HSPA4L: variants seen among roughly 807,000 people sequenced by gnomAD.
HSPA4L encodes heat shock 70 kDa protein 4L.
A neutral mutation model predicts 100.3 loss-of-function variants in HSPA4L; 48 were observed. The ratio of observed to expected loss-of-function variants is 0.48; its 90% CI spans 0.38 to 0.61. The LOEUF (loss-of-function observed/expected upper bound fraction) is 0.61, where lower values mean the gene tolerates loss of function less well. Ranked by LOEUF, HSPA4L falls within the 20% of genes least tolerant of loss-of-function variation. The probability of loss-of-function intolerance (pLI) is 0.00; values close to 1 mark genes in which losing one functional copy is unlikely to be tolerated. For missense variants in HSPA4L, 886 were observed against 988.6 expected (o/e 0.90, Z 1.39); for synonymous variants, 319 against 328.2 (o/e 0.97, Z 0.30).
At chr4:127,791,853 G>A (rs904300405) in intron 1 of HSPA4L, among the ~76,000 whole-genome samples, 5 of 152,032 alleles carry the variant, frequency 3.3e-5, no homozygotes, top group Non-Finnish European at 5.9e-5. Context: ...TTCACCTTCT[G>A]TTATAGCACC....
intron 1 of HSPA4L, among the ~76,000 whole-genome samples, chr4:127,793,215 A>C (rs1010560525): frequency 3.9e-5 from 6 of 152,222 alleles, no homozygotes; most frequent in Non-Finnish European, 7.3e-5. Flanking sequence ...TCTGCAAGAC[A>C]AATAGATATT....
chr4:127,825,119 G>A (rs1316309559), intron 16 of HSPA4L, among the ~76,000 whole-genome samples: 4 of 150,114 alleles, frequency 2.7e-5, no homozygotes, highest in Non-Finnish European at 4.4e-5. Context: ...CAGCCTGGGC[G>A]ACAGAATGAG....
At chr4:127,823,439 G>A in intron 15 of HSPA4L, 78 bp from the exon 16 acceptor site, 1 of 976,254 alleles carries the variant, frequency 1.0e-6, no homozygotes, top group Admixed American at 1.9e-5. Flanking sequence ...ATGAGGCACT[G>A]CACTGCACTG....
intron 6 of HSPA4L, 32 bp from the exon 7 acceptor site, chr4:127,803,597 G>A (rs200865312): frequency 2.1e-6 from 3 of 1,440,894 alleles, no homozygotes; most frequent in East Asian, 4.9e-5. Context: ...CTATATTTCT[G>A]AAAATACAGT....
At chr4:127,784,894 A>G (rs1317811321) in intron 1 of HSPA4L, among the ~76,000 whole-genome samples, 3 of 152,276 alleles carry the variant, frequency 2.0e-5, no homozygotes, top group Admixed American at 6.5e-5. Flanking sequence ...AATGTTTTTC[A>G]TATTCCAATT....
chr4:127,826,405 A>T (rs1733951687), intron 16 of HSPA4L, among the ~76,000 whole-genome samples: 1 of 152,212 alleles, frequency 6.6e-6, no homozygotes, highest in Non-Finnish European at 1.5e-5. Context: ...CCAATGGAAA[A>T]AAAAAATGCA....
At chr4:127,800,159 T>C (rs1267730198) in intron 4 of HSPA4L, among the ~76,000 whole-genome samples, 2 of 152,288 alleles carry the variant, frequency 1.3e-5, no homozygotes, top group Admixed American at 1.3e-4. Context: ...AATTTTTAAA[T>C]AGAGATGTAG....
rs1047860044 is a variant in HSPA4L, at chr4:127,832,990, T to G, written c.*116T>G. ...GTTCTTAACCACTTTTGTCATTTGT[T>G]TTTTGGAGTAGTTTTGAAAAGTGTT... On this transcript the variant is annotated 3_prime_UTR_variant, in exon 19 of 19. Coordinates refer to ENST00000296464, the MANE Select transcript of HSPA4L (RefSeq NM_014278.4). 2 of 726,628 alleles carry G rather than the reference T, an allele frequency of 2.8e-6. No individual in the cohort carries two copies. Among genetic ancestry groups the G allele is most frequent in the African/African-American group, 3.6e-5 (2 of 55,472 alleles). The allele number at this position is 726,628 out of a possible 1,614,324, so 45.0% of individuals were successfully genotyped here.
intron 2 of HSPA4L, 37 bp downstream of exon 2, chr4:127,794,171 G>T (rs774569639): frequency 6.7e-7 from 1 of 1,500,498 alleles, no homozygotes; most frequent in Admixed American, 1.7e-5. Context: ...CTTACAGGAA[G>T]AATTAACTGA....
intron 1 of HSPA4L, chr4:127,783,552 T>G: frequency 1.3e-6 from 2 of 1,521,582 alleles, no homozygotes; most frequent in South Asian, 2.5e-5. Flanking sequence ...GCCTGGGAAG[T>G]TTGTTGGCAA....
intron 12 of HSPA4L, chr4:127,813,308 A>G: frequency 4.5e-6 from 3 of 661,710 alleles, no homozygotes; most frequent in Non-Finnish European, 8.0e-6. Context: ...GTTTTTATTA[A>G]TAATTACTAT....
chr4:127,816,912 A>C (rs1733683403), intron 12 of HSPA4L, among the ~76,000 whole-genome samples: 1 of 152,216 alleles, frequency 6.6e-6, no homozygotes, highest in Non-Finnish European at 1.5e-5. Context: ...ATTCTAAGTG[A>C]TAAGGCATTG....
chr4:127,811,172 C>T lies in HSPA4L; in HGVS notation c.1379-265C>T, dbSNP rs376880613. Among the ~76,000 whole-genome samples the T allele has an allele frequency of 3.0e-3, 390 of 131,336 alleles. 2 individuals are homozygous for T. Among genetic ancestry groups the T allele is most frequent in the South Asian group, 0.018 (60 of 3,252 alleles). The allele number at this position is 131,336 out of a possible 152,430, so 86.2% of individuals were successfully genotyped here. A position where few individuals can be genotyped will look rare whatever the true frequency, so the allele number is the denominator to read the frequency against. ...GAATCAAATTGTCCATGGTTAAATTCCCAGTGCTTTTTTTTTTTTTTCCTA... is the reference window on the plus strand; with the variant it reads ...GAATCAAATTGTCCATGGTTAAATTTCCAGTGCTTTTTTTTTTTTTTCCTA... On this transcript the variant is annotated intron_variant, in intron 11 of 18. Transcript: ENST00000296464.
chr4:127,824,126 A>G (rs1175213674), intron 16 of HSPA4L, among the ~76,000 whole-genome samples: 1 of 152,212 alleles, frequency 6.6e-6, no homozygotes, highest in Non-Finnish European at 1.5e-5. Flanking sequence ...TATTTCACTT[A>G]GCATAATGTC....
Position 127,782,582 on chromosome 4 carries a change from T to C in HSPA4L, c.32T>C (p.Leu11Pro). 1 of 1,614,090 alleles carries C rather than the reference T, an allele frequency of 6.2e-7. No individual in the cohort carries two copies. The highest frequency in any genetic ancestry group is 8.5e-7 in the Non-Finnish European group (1 of 1,180,008). Residue 11 changes from leucine to proline, a missense_variant, in exon 1 of 19, where the codon CTC becomes CCC. By Grantham distance (98) the Leu-to-Pro change is moderately conservative. Coordinates refer to ENST00000296464, the MANE Select transcript of HSPA4L (RefSeq NM_014278.4). ...GTGGTTGGCATTGACCTCGGCTTTC[T>C]CAACTGCTACATTGCTGTCGCGAGA... MSVVGIDLGFLNCYIAVARSG... is the reference protein window; with the variant it reads MSVVGIDLGFPNCYIAVARSG...
chr4:127,817,694 TC>T (rs1319515984), intron 12 of HSPA4L, among the ~76,000 whole-genome samples: 1 of 152,196 alleles, frequency 6.6e-6, no homozygotes, highest in East Asian at 1.9e-4. Flanking sequence ...TTAATTTATA[TC>T]AAAACTCAAA....
Position 127,833,141 on chromosome 4 carries a change from A to G in HSPA4L, c.*267A>G, listed in dbSNP as rs532675997. Reference sequence around the variant, plus strand: ...TATCAAACATACAGGATGGATACATAGTTGGCAACAGTCTACCTTATTTAA... The same window carrying G: ...TATCAAACATACAGGATGGATACATGGTTGGCAACAGTCTACCTTATTTAA... On this transcript the variant is annotated 3_prime_UTR_variant, in exon 19 of 19. Transcript: ENST00000296464. 2 of 277,430 alleles carry G rather than the reference A, an allele frequency of 7.2e-6. No individual in the cohort carries two copies. The highest frequency in any genetic ancestry group is 1.0e-3 in the Middle Eastern group (1 of 976). 17.2% of individuals were successfully genotyped at this position (277,430 alleles called of 1,614,324 possible). A position where few individuals can be genotyped will look rare whatever the true frequency, so the allele number is the denominator to read the frequency against.
Position 127,801,193 on chromosome 4 carries a change from T to C in HSPA4L, c.485T>C (p.Val162Ala), listed in dbSNP as rs1429329809. Residue 162 changes from valine to alanine, a missense_variant, in exon 5 of 19, where the codon GTT (valine) becomes GCT (alanine). Val to Ala is a moderately conservative substitution (Grantham distance 64). Transcript: ENST00000296464. ...ERRSVMAAAQVAGLNCLRLMN... is the reference protein window; with the variant it reads ...ERRSVMAAAQAAGLNCLRLMN... ...AGATCTGTGATGGCTGCAGCCCAGG[T>C]TGCAGGCTTAAATTGTTTAAGGTTG... 1 of 1,613,192 alleles carries C rather than the reference T, an allele frequency of 6.2e-7. No homozygotes were observed. The highest frequency in any genetic ancestry group is 8.5e-7 in the Non-Finnish European group (1 of 1,179,578).
At chr4:127,808,718 G>A (rs1267781984) in intron 11 of HSPA4L, among the ~76,000 whole-genome samples, 1 of 152,058 alleles carries the variant, frequency 6.6e-6, no homozygotes, top group East Asian at 1.9e-4. Context: ...GATACTGAGG[G>A]GACAGCTATA....
Sources: allele counts gnomAD v4.1 joint callset (sites outside exome capture counted in the v4.1 genomes callset), GRCh38; gene constraint gnomAD v4.1.1; transcripts MANE v1.5; gene names NCBI Gene and HGNC (gene_info 2026-07-23, HGNC 2026-07-21).